Variants in RGS2 observed in about 807,000 individuals in gnomAD.
RGS2 encodes the protein regulator of G protein signaling 2.
RGS2 carries 20 observed loss-of-function variants against 26.6 expected under a neutral mutation model. That is an observed-to-expected ratio of 0.75 (90% CI 0.53 to 1.09). RGS2 has a LOEUF of 1.09. Ranked by LOEUF, RGS2 falls within the 50% of genes least tolerant of loss-of-function variation. RGS2 has a pLI of 0.00. For missense variants in RGS2, 246 were observed against 245.5 expected (o/e 1.00, Z -0.01); for synonymous variants, 97 against 79.9 (o/e 1.21, Z -1.14).
chr1:192,810,975 C>T lies in RGS2; in HGVS notation c.275-6C>T. 1 of 1,613,700 alleles carries T rather than the reference C, an allele frequency of 6.2e-7. No individual in the cohort carries two copies. Among genetic ancestry groups the T allele is most frequent in the East Asian group, 2.2e-5 (1 of 44,878 alleles). ...TTCTGCATGCTCTCTTTTCTCCCCCCTTCAGATGGTCTTGCTGCATTCAGG... is the reference window on the plus strand; with the variant it reads ...TTCTGCATGCTCTCTTTTCTCCCCCTTTCAGATGGTCTTGCTGCATTCAGG... On this transcript the variant is annotated splice_polypyrimidine_tract_variant and splice_region_variant and intron_variant, in intron 3 of 4. Transcript: ENST00000235382.
At chr1:192,810,917 A>T (rs1665579921) in intron 3 of RGS2, 64 bp from the exon 4 acceptor site, 4 of 1,435,128 alleles carry the variant, frequency 2.8e-6, no homozygotes, top group Non-Finnish European at 3.9e-6. Flanking sequence ...TAGGAGAAAC[A>T]TAAGGAATCA....
At chr1:192,809,390 G>T in intron 1 of RGS2, 1 of 576,770 alleles carries the variant, frequency 1.7e-6, no homozygotes, top group Admixed American at 2.7e-5. Context: ...TTGATATGAG[G>T]GCGGTGGTTG....
In RGS2 at chr1:192,809,160, G is replaced by A; in HGVS notation, c.89G>A (p.Arg30Gln). ...AGSGHKSEEK[R>Q]EKMKRTLLKD... The stretch of plus-strand genomic sequence containing the variant: ...AGTGGCCACAAGAGCGAGGAGAAGC[G>A]AGAAAAGATGAAACGGACCCTGTGA... Residue 30 changes from arginine (R) to glutamine (Q), a missense_variant, in exon 1 of 5, where the codon CGA (arginine) becomes CAA (glutamine). By Grantham distance (43) the Arg-to-Gln change is conservative. Transcript: ENST00000235382. 1.9e-6 allele frequency: 3 copies of A among 1,613,170 alleles called. No homozygotes were observed.
intron 2 of RGS2, 25 bp from the exon 3 acceptor site, chr1:192,810,345 C>G (rs1162012233): frequency 6.2e-7 from 1 of 1,612,672 alleles, no homozygotes; most frequent in South Asian, 1.1e-5. Context: ...TGTGCGTAAG[C>G]TAACATACAG....
chr1:192,809,466 G>A (rs920670187), intron 1 of RGS2: 4 of 450,936 alleles, frequency 8.9e-6, no homozygotes, highest in African/African-American at 8.0e-5. Flanking sequence ...AGAATCCTGC[G>A]GCTGAAGCGC....
Position 192,810,882 on chromosome 1 carries a change from T to G in RGS2, c.275-99T>G, listed in dbSNP as rs886148802. ...TTTGAGCGAAATCTAGAAAATTCATTTAGAAATAATTAAAATGTGAGGGAT... is the reference window on the plus strand; with the variant it reads ...TTTGAGCGAAATCTAGAAAATTCATGTAGAAATAATTAAAATGTGAGGGAT... On this transcript the variant is annotated intron_variant, in intron 3 of 4. Coordinates refer to ENST00000235382, the MANE Select transcript of RGS2 (RefSeq NM_002923.4). 9.9e-6 allele frequency: 13 copies of G among 1,315,704 alleles called. No homozygotes were observed. In the African/African-American group the frequency reaches 1.3e-4, roughly 13 times the overall value. 81.5% of individuals were successfully genotyped at this position (1,315,704 alleles called of 1,614,324 possible).
At chr1:192,810,509 A>G in intron 3 of RGS2, 78 bp downstream of exon 3, 2 of 1,275,390 alleles carry the variant, frequency 1.6e-6, no homozygotes, top group Non-Finnish European at 2.3e-6. Flanking sequence ...ACAAAAGAGC[A>G]GCTTGCCTGA....
intron 1 of RGS2, 29 bp from the exon 2 acceptor site, chr1:192,810,137 G>A (rs761217478): frequency 2.8e-5 from 38 of 1,366,178 alleles, no homozygotes; most frequent in Non-Finnish European, 3.8e-5. Context: ...TTGCTAGTTA[G>A]TAATTATCTT....
intron 3 of RGS2, 167 bp from the exon 4 acceptor site, chr1:192,810,813 CT>C: frequency 1.3e-6 from 1 of 742,660 alleles, no homozygotes; most frequent in East Asian, 2.7e-5. Flanking sequence ...CTTTTGCCTA[CT>C]GGTATCTTAG....
intron 1 of RGS2, 33 bp downstream of exon 1, chr1:192,809,214 C>T: frequency 6.9e-7 from 1 of 1,440,138 alleles, no homozygotes; most frequent in African/African-American, 1.4e-5. Context: ...TCCCGCCACC[C>T]CCTGCCCCAC....
Position 192,810,178 on chromosome 1 carries a change from G to T in RGS2, c.123G>T (p.Trp41Cys). 6.2e-7 allele frequency: 1 copy of T among 1,609,034 alleles called. No individual in the cohort carries two copies. Among genetic ancestry groups the T allele is most frequent in the Non-Finnish European group, 8.5e-7 (1 of 1,175,424 alleles). Residue 41 changes from tryptophan to cysteine, a missense_variant, in exon 2 of 5, where the codon TGG (tryptophan) becomes TGT (cysteine). Trp to Cys is a radical substitution (Grantham distance 215, BLOSUM62 -2). Transcript: ENST00000235382. ...EKMKRTLLKD[W>C]KTRLSYFLQN... ...TTTTTTGTTTTAGTTTAAAAGATTG[G>T]AAGACCCGTTTGAGCTACTTCTTAC...
At position 192,810,993 on chromosome 1, in the gene RGS2, C is replaced by T; in HGVS notation, c.287C>T (p.Ala96Val). The change falls in exon 4 of 5, where the codon GCA becomes GTA. Residue 96 changes from alanine (A) to valine (V), a missense_variant. By Grantham distance (64) the Ala-to-Val change is moderately conservative (BLOSUM62 0). Coordinates refer to ENST00000235382, the MANE Select transcript of RGS2 (RefSeq NM_002923.4). ...CTCCCCCCTTCAGATGGTCTTGCTG[C>T]ATTCAGGGCTTTTTTAAAGTCGGAA... is the stretch of plus-strand genomic sequence containing the variant. Reference protein sequence around the residue: ...ELLASKYGLAAFRAFLKSEFC... With the variant: ...ELLASKYGLAVFRAFLKSEFC... 1.2e-6 allele frequency: 2 copies of T among 1,614,074 alleles called. No individual in the cohort carries two copies. The highest frequency in any genetic ancestry group is 1.7e-6 in the Non-Finnish European group (2 of 1,179,958).
In RGS2 at chr1:192,809,146, G is replaced by A. The variant is rs1665546003; in HGVS notation, c.75G>A (p.Lys25=). ...PMDKSAGSGH[K]SEEKREKMKR... ...ACAAGAGCGCAGGCAGTGGCCACAA[G>A]AGCGAGGAGAAGCGAGAAAAGATGA... The change falls in exon 1 of 5, where the codon AAG becomes AAA. Residue 25 remains lysine (K), a synonymous_variant. Coordinates refer to ENST00000235382, the MANE Select transcript of RGS2 (RefSeq NM_002923.4). The A allele has an allele frequency of 3.7e-6, 6 of 1,613,944 alleles. No individual in the cohort carries two copies. The East Asian group carries it at 8.9e-5, about 24-fold the overall frequency.
In RGS2 at chr1:192,812,043, G is replaced by T; in HGVS notation, c.*447G>T. The T allele has an allele frequency of 8.8e-6, 2 of 227,644 alleles. No homozygotes were observed. The highest frequency in any genetic ancestry group is 5.8e-5 in the South Asian group (1 of 17,156). The allele number at this position is 227,644 out of a possible 1,614,324, so 14.1% of individuals were successfully genotyped here. A position where few individuals can be genotyped will look rare whatever the true frequency, so the allele number is the denominator to read the frequency against. On this transcript the variant is annotated 3_prime_UTR_variant, in exon 5 of 5. Transcript: ENST00000235382. ...CAGTGAAGTGTTTACTATGTGCAAC[G>T]GTATTGAAGTTCTTATGACCACAGA... is the stretch of plus-strand genomic sequence containing the variant.
In RGS2 at chr1:192,811,318, T is replaced by A. The variant is rs952425395; in HGVS notation, c.442-84T>A. On this transcript the variant is annotated intron_variant, in intron 4 of 4. Coordinates refer to ENST00000235382, the MANE Select transcript of RGS2 (RefSeq NM_002923.4). ...CTTAGCTAGTAAAGCTAATCACACA[T>A]AATTTTTATTTTTTGTTTTCAAATA... is the stretch of plus-strand genomic sequence containing the variant. 3.0e-6 allele frequency: 4 copies of A among 1,336,510 alleles called. No individual in the cohort carries two copies. In the African/African-American group the frequency reaches 5.9e-5, roughly 20 times the overall value. 82.8% of individuals were successfully genotyped at this position (1,336,510 alleles called of 1,614,324 possible).
At chr1:192,809,299 A>G (rs957124649) in intron 1 of RGS2, 118 bp downstream of exon 1, 2 of 770,416 alleles carry the variant, frequency 2.6e-6, no homozygotes, top group African/African-American at 3.4e-5. Context: ...ATGCAGGGAA[A>G]AAAAATCGAA....
chr1:192,810,466 A>T (rs751831501), intron 3 of RGS2, 35 bp downstream of exon 3: 5 of 1,602,674 alleles, frequency 3.1e-6, no homozygotes, highest in Non-Finnish European at 4.3e-6. Flanking sequence ...CATTGCTAAC[A>T]TCGCAAAAGC....
chr1:192,810,916 C>T, intron 3 of RGS2, 65 bp from the exon 4 acceptor site: 1 of 1,432,590 alleles, frequency 7.0e-7, no homozygotes, highest in Non-Finnish European at 9.9e-7. Context: ...ATAGGAGAAA[C>T]ATAAGGAATC....
chr1:192,811,110 T>C lies in RGS2; in HGVS notation c.404T>C (p.Ile135Thr). 1.2e-6 allele frequency: 2 copies of C among 1,613,942 alleles called. No individual in the cohort carries two copies. Among genetic ancestry groups the C allele is most frequent in the Non-Finnish European group, 1.7e-6 (2 of 1,179,970 alleles). Residue 135 changes from isoleucine (I) to threonine (T), a missense_variant, in exon 4 of 5, where the codon ATA (isoleucine) becomes ACA (threonine). By Grantham distance (89) the Ile-to-Thr change is moderately conservative. Coordinates refer to ENST00000235382, the MANE Select transcript of RGS2 (RefSeq NM_002923.4). ...AAGCTGTCCTCAAAAGCAAGGAAAA[T>C]ATATACTGACTTCATAGAAAAGGAA... The part of the protein sequence containing the change: ...PQKLSSKARK[I>T]YTDFIEKEAP...
Sources: allele counts gnomAD v4.1 joint callset, GRCh38; gene constraint gnomAD v4.1.1; transcripts MANE v1.5; gene names NCBI Gene and HGNC (gene_info 2026-07-23, HGNC 2026-07-21).